Variants in CALN1 observed in about 807,000 individuals in gnomAD.
CALN1 encodes calcium-binding protein 8.
CALN1 carries 17 observed loss-of-function variants against 30.6 expected under a neutral mutation model. The ratio of observed to expected loss-of-function variants is 0.56; its 90% CI spans 0.38 to 0.83. The LOEUF (loss-of-function observed/expected upper bound fraction) is 0.83, where lower values mean the gene tolerates loss of function less well. Ranked by LOEUF, CALN1 falls within the 40% of genes least tolerant of loss-of-function variation. CALN1 has a pLI of 0.00. For synonymous variants in CALN1, 156 were observed against 131.4 expected, an observed-to-expected ratio of 1.19 and a Z score of -1.28; for missense variants, 291 against 354.9, an observed-to-expected ratio of 0.82 and a Z score of 1.45.
At chr7:71,877,172 C>T (rs959149115) in intron 5 of CALN1, among the ~76,000 whole-genome samples, 4 of 151,944 alleles carry the variant, frequency 2.6e-5, no homozygotes. Flanking sequence ...AACAGCCATT[C>T]CTAATAAAAA....
intron 3 of CALN1, among the ~76,000 whole-genome samples, chr7:72,148,640 C>G (rs1786969723): frequency 6.6e-6 from 1 of 151,902 alleles, no homozygotes; most frequent in African/African-American, 2.4e-5. Context: ...CATGGTGGCT[C>G]ACGCCTGTAA....
rs577512625 is a variant in CALN1 at position 72,213,771 on chromosome 7, G to A, written c.244+64915C>T. Reference sequence around the variant, plus strand: ...CAGCAATGCACTCCACTCCAGTGCTGTGTGCTCCAAACAGGGAGGGAGAAG... The same window carrying A: ...CAGCAATGCACTCCACTCCAGTGCTATGTGCTCCAAACAGGGAGGGAGAAG... On this transcript the variant is annotated intron_variant, in intron 3 of 6. Coordinates refer to ENST00000395275, the MANE Select transcript of CALN1 (RefSeq NM_031468.4). Among the ~76,000 whole-genome samples, 7 of 152,284 alleles carry A rather than the reference G, an allele frequency of 4.6e-5. No individual in the cohort carries two copies. The East Asian group carries it at 7.7e-4, about 17-fold the overall frequency.
intron 3 of CALN1, among the ~76,000 whole-genome samples, chr7:72,154,663 C>A (rs953538766): frequency 1.3e-5 from 2 of 152,116 alleles, no homozygotes; most frequent in African/African-American, 4.8e-5. Flanking sequence ...GAAGTCCTAA[C>A]CTCCAGCAGG....
chr7:71,964,292 G>A (rs1797418397), intron 5 of CALN1, among the ~76,000 whole-genome samples: 1 of 151,476 alleles, frequency 6.6e-6, no homozygotes, highest in Non-Finnish European at 1.5e-5. Flanking sequence ...AGCATTTTTG[G>A]GCTCTGACCC....
chr7:72,327,927 T>C (rs979526612), intron 2 of CALN1, among the ~76,000 whole-genome samples: 1 of 152,184 alleles, frequency 6.6e-6, no homozygotes, highest in Non-Finnish European at 1.5e-5. Flanking sequence ...GAGAGTAATT[T>C]AGAAGCAAAG....
At chr7:72,251,180 C>T (rs927809388) in intron 3 of CALN1, among the ~76,000 whole-genome samples, 1 of 152,168 alleles carries the variant, frequency 6.6e-6, no homozygotes, top group African/African-American at 2.4e-5. Context: ...TTCAATTCTG[C>T]TTCTGATGTG....
intron 3 of CALN1, among the ~76,000 whole-genome samples, chr7:72,216,505 G>C (rs967277753): frequency 6.6e-6 from 1 of 152,038 alleles, no homozygotes; most frequent in African/African-American, 2.4e-5. Context: ...ATAATTCTGT[G>C]TATCATAGGG....
Position 72,402,753 on chromosome 7 carries a change from A to G in CALN1, c.119+498T>C, listed in dbSNP as rs193143032. Among the ~76,000 whole-genome samples the G allele has an allele frequency of 3.2e-3, 490 of 152,284 alleles. 2 individuals carry two copies. The highest frequency in any genetic ancestry group is 9.6e-3 in the African/African-American group (400 of 41,562). On this transcript the variant is annotated intron_variant, in intron 2 of 6. Coordinates refer to ENST00000395275, the MANE Select transcript of CALN1 (RefSeq NM_031468.4). ...ACAGGGTAGCCTAGTGGTTAGGAGCATAATTTTTTGGTGGGGGATGGGGTG... is the reference window on the plus strand; with the variant it reads ...ACAGGGTAGCCTAGTGGTTAGGAGCGTAATTTTTTGGTGGGGGATGGGGTG...
upstream of CALN1, among the ~76,000 whole-genome samples, chr7:72,450,273 A>C (rs1164867860): frequency 1.3e-5 from 2 of 152,106 alleles, no homozygotes; most frequent in African/African-American, 2.4e-5. Context: ...CTTGTCCTCC[A>C]TTTTCCGAGG....
intron 2 of CALN1, among the ~76,000 whole-genome samples, chr7:72,310,181 C>T (rs1799946691): frequency 6.6e-6 from 1 of 151,568 alleles, no homozygotes; most frequent in African/African-American, 2.4e-5. Flanking sequence ...GTTTTCAAGC[C>T]AAAAAGCCCC....
At chr7:71,938,623 C>T (rs1171487947) in intron 5 of CALN1, among the ~76,000 whole-genome samples, 1 of 151,872 alleles carries the variant, frequency 6.6e-6, no homozygotes, top group Non-Finnish European at 1.5e-5. Flanking sequence ...GGTGAAACCC[C>T]GTCTCTACTA....
chr7:72,377,959 C>T (rs1804666549), intron 2 of CALN1, among the ~76,000 whole-genome samples: 1 of 152,080 alleles, frequency 6.6e-6, no homozygotes, highest in Admixed American at 6.6e-5. Flanking sequence ...TTTTCAAAGC[C>T]TGCCCCTCCC....
chr7:72,035,352 C>T (rs562388199), intron 4 of CALN1, among the ~76,000 whole-genome samples: 2 of 152,070 alleles, frequency 1.3e-5, no homozygotes, highest in African/African-American at 4.8e-5. Flanking sequence ...GTATCTCATG[C>T]AAGTAGAATC....
intron 1 of CALN1, among the ~76,000 whole-genome samples, chr7:72,406,303 T>C (rs1806688770): frequency 6.6e-6 from 1 of 152,124 alleles, no homozygotes; most frequent in Non-Finnish European, 1.5e-5. Context: ...CAGACCTCCA[T>C]CTTCCCCCAA....
intron 5 of CALN1, among the ~76,000 whole-genome samples, chr7:71,831,884 A>AAC: frequency 6.7e-6 from 1 of 149,660 alleles, no homozygotes; most frequent in South Asian, 2.1e-4. Context: ...AAAAAAAAAA[A>AAC]AAAAAAAAAA....
intron 4 of CALN1, among the ~76,000 whole-genome samples, chr7:72,090,896 G>A (rs1805814302): frequency 6.6e-6 from 1 of 152,176 alleles, no homozygotes; most frequent in African/African-American, 2.4e-5. Context: ...TGGAGAAAGA[G>A]AGTAGAACGA....
intron 2 of CALN1, among the ~76,000 whole-genome samples, chr7:72,360,416 G>C (rs906464425): frequency 6.6e-6 from 1 of 151,716 alleles, no homozygotes; most frequent in African/African-American, 2.4e-5. Flanking sequence ...AATGTCTCTA[G>C]TTTTGAAATT....
Position 71,787,600 on chromosome 7 carries a change from TG to T in CALN1, c.*174del. 1.3e-6 allele frequency: 1 copy of T among 752,170 alleles called. No homozygotes were observed. Among genetic ancestry groups the T allele is most frequent in the East Asian group, 2.8e-5 (1 of 36,142 alleles). The allele number at this position is 752,170 out of a possible 1,614,324, so 46.6% of individuals were successfully genotyped here. ...CCCTTTAGTGTCCCTGCCAAGGAGATGAAGCTGAAGTGCAACCCCAGTTGCA... is the reference window on the plus strand; with the variant it reads ...CCCTTTAGTGTCCCTGCCAAGGAGATAAGCTGAAGTGCAACCCCAGTTGCA... On this transcript the variant is annotated 3_prime_UTR_variant, in exon 7 of 7. Coordinates refer to ENST00000395275, the MANE Select transcript of CALN1 (RefSeq NM_031468.4).
At chr7:72,430,239 CATA>C (rs1349298387) in intron 1 of CALN1, among the ~76,000 whole-genome samples, 40 of 147,328 alleles carry the variant, frequency 2.7e-4, no homozygotes, top group Admixed American at 2.1e-3. Context: ...TATATTTACA[CATA>C]ATAATTATAA....
Sources: allele counts gnomAD v4.1 joint callset (sites outside exome capture counted in the v4.1 genomes callset), GRCh38; gene constraint gnomAD v4.1.1; transcripts MANE v1.5; gene names NCBI Gene and HGNC (gene_info 2026-07-23, HGNC 2026-07-21).